TAFA4: variants seen among roughly 807,000 people sequenced by gnomAD.
TAFA4 encodes chemokine-like protein TAFA-4.
TAFA4 carries 20 observed loss-of-function variants against 21.1 expected under a neutral mutation model. The observed-to-expected ratio is 0.95, with a 90% CI of 0.67 to 1.38. The LOEUF (loss-of-function observed/expected upper bound fraction) is 1.38, where lower values mean the gene tolerates loss of function less well. Ranked by LOEUF, TAFA4 falls within the 40% of genes most tolerant of loss-of-function variation. The pLI, the probability that TAFA4 is intolerant of heterozygous loss-of-function variation, is 0.00. For synonymous variants in TAFA4, 71 were observed against 67.4 expected, an observed-to-expected ratio of 1.05 and a Z score of -0.26; for missense variants, 211 against 180.9, an observed-to-expected ratio of 1.17 and a Z score of -0.95.
chr3:68,735,671 A>C (rs1575588586), intron 5 of TAFA4, among the ~76,000 whole-genome samples: 1 of 152,140 alleles, frequency 6.6e-6, no homozygotes, highest in African/African-American at 2.4e-5. Flanking sequence ...TACTGAAGAC[A>C]AAACTGTTGC....
chr3:68,807,744 G>C (rs761422177), intron 3 of TAFA4, among the ~76,000 whole-genome samples: 3 of 152,148 alleles, frequency 2.0e-5, no homozygotes, highest in Non-Finnish European at 4.4e-5. Context: ...GCTTTATCAA[G>C]AGACACTCAC....
At chr3:68,859,747 C>G (rs1217054694) in intron 3 of TAFA4, among the ~76,000 whole-genome samples, 1 of 152,102 alleles carries the variant, frequency 6.6e-6, no homozygotes, top group Non-Finnish European at 1.5e-5. Flanking sequence ...CAGAGCTCAC[C>G]AACCAGTATG....
chr3:68,871,696 T>G (rs1182712756), intron 3 of TAFA4, among the ~76,000 whole-genome samples: 2 of 151,838 alleles, frequency 1.3e-5, no homozygotes, highest in Admixed American at 6.6e-5. Flanking sequence ...CTCAAACAAC[T>G]TAACAGCAAA....
At chr3:68,867,143 C>T (rs62256106) in intron 3 of TAFA4, among the ~76,000 whole-genome samples, 1,675 of 151,888 alleles carry the variant, frequency 0.011, 11 homozygotes, top group Non-Finnish European at 0.017. Context: ...TAATCAAACT[C>T]TCAAAGGTCA....
At chr3:68,926,872 T>C (rs765528254) in intron 1 of TAFA4, among the ~76,000 whole-genome samples, 19 of 151,856 alleles carry the variant, frequency 1.3e-4, no homozygotes, top group Non-Finnish European at 2.2e-4. Context: ...GATTCCGCCA[T>C]TGCACTCCAG....
intron 4 of TAFA4, among the ~76,000 whole-genome samples, chr3:68,750,741 T>C (rs1702543966): frequency 6.6e-6 from 1 of 152,230 alleles, no homozygotes; most frequent in Non-Finnish European, 1.5e-5. Context: ...GCTTTGAATA[T>C]TGTACAACAT....
intron 3 of TAFA4, among the ~76,000 whole-genome samples, chr3:68,825,918 C>T (rs1036828234): frequency 7.2e-5 from 11 of 152,078 alleles, no homozygotes; most frequent in Non-Finnish European, 1.3e-4. Context: ...AGGCAGAGAG[C>T]AACACTGTCA....
At chr3:68,775,570 G>A (rs572541308) in intron 3 of TAFA4, among the ~76,000 whole-genome samples, 6 of 152,136 alleles carry the variant, frequency 3.9e-5, no homozygotes, top group Admixed American at 6.6e-5. Context: ...GAGGGGACAA[G>A]AGCAAAGAGA....
intron 1 of TAFA4, among the ~76,000 whole-genome samples, chr3:68,905,216 T>C (rs2089887709): frequency 7.1e-6 from 1 of 140,304 alleles, no homozygotes; most frequent in South Asian, 2.3e-4. Flanking sequence ...GTGCAAGTGG[T>C]GCGATCTCGG....
chr3:68,875,365 G>A (rs530913634), intron 3 of TAFA4, among the ~76,000 whole-genome samples: 1 of 152,006 alleles, frequency 6.6e-6, no homozygotes, highest in Non-Finnish European at 1.5e-5. Context: ...TCGCTGCAGT[G>A]GGCCCTCTGT....
chr3:68,754,019 C>G (rs1231410167), intron 3 of TAFA4, among the ~76,000 whole-genome samples: 6 of 152,234 alleles, frequency 3.9e-5, no homozygotes, highest in South Asian at 4.1e-4. Context: ...TTGTAACAGA[C>G]TTCACCCAGG....
intron 4 of TAFA4, among the ~76,000 whole-genome samples, chr3:68,751,030 C>A (rs1278293629): frequency 1.3e-5 from 2 of 152,100 alleles, no homozygotes; most frequent in Admixed American, 1.3e-4. Context: ...CAAGAACTTA[C>A]AAGAGATTTG....
intron 3 of TAFA4, among the ~76,000 whole-genome samples, chr3:68,866,447 C>T (rs973864250): frequency 6.6e-6 from 1 of 151,768 alleles, no homozygotes; most frequent in African/African-American, 2.4e-5. Flanking sequence ...AAACATACCC[C>T]AGAAAGACCA....
At chr3:68,780,008 C>A (rs1703125232) in intron 3 of TAFA4, among the ~76,000 whole-genome samples, 1 of 152,198 alleles carries the variant, frequency 6.6e-6, no homozygotes, top group Non-Finnish European at 1.5e-5. Context: ...GAGCCCACCT[C>A]TTGCATCAGC....
At chr3:68,850,280 A>G (rs1704912711) in intron 3 of TAFA4, among the ~76,000 whole-genome samples, 1 of 152,196 alleles carries the variant, frequency 6.6e-6, no homozygotes, top group Non-Finnish European at 1.5e-5. Flanking sequence ...ATTCAACAAT[A>G]ACTACCAAGC....
rs149097302 is a variant in TAFA4 at position 68,784,600 on chromosome 3, C to G, written c.131-31582G>C. Among the ~76,000 whole-genome samples, 281 of 152,260 alleles carry G rather than the reference C, an allele frequency of 1.8e-3. 1 individual carries two copies. The highest frequency in any genetic ancestry group is 6.5e-3 in the African/African-American group (272 of 41,556). On this transcript the variant is annotated intron_variant, in intron 3 of 5. Coordinates refer to ENST00000295569, the MANE Select transcript of TAFA4 (RefSeq NM_182522.5). ...CTGCAGACCTTTGCGGTGAGTGTTACAGCTCATAAAGGCAGTGTGGACCCA... is the reference window on the plus strand; with the variant it reads ...CTGCAGACCTTTGCGGTGAGTGTTAGAGCTCATAAAGGCAGTGTGGACCCA...
At chr3:68,821,234 A>G (rs1176382074) in intron 3 of TAFA4, among the ~76,000 whole-genome samples, 2 of 152,002 alleles carry the variant, frequency 1.3e-5, no homozygotes, top group Non-Finnish European at 2.9e-5. Flanking sequence ...ACTCACAGCT[A>G]TTAGAGATAA....
Position 68,801,106 on chromosome 3 carries a change from G to T in TAFA4, c.131-48088C>A, listed in dbSNP as rs566679954. On this transcript the variant is annotated intron_variant, in intron 3 of 5. Coordinates refer to ENST00000295569, the MANE Select transcript of TAFA4 (RefSeq NM_182522.5). ...AGAATTTCACAGCCAGACTTCTTCT[G>T]GATTTAAATCCCAAGAAAGTGTACC... is the stretch of plus-strand genomic sequence containing the variant. Among the ~76,000 whole-genome samples, 3 of 152,212 alleles carry T rather than the reference G, an allele frequency of 2.0e-5. No individual in the cohort carries two copies. The East Asian group carries it at 5.8e-4, about 29-fold the overall frequency.
At chr3:68,836,334 A>G (rs1055014653) in intron 3 of TAFA4, among the ~76,000 whole-genome samples, 29 of 152,214 alleles carry the variant, frequency 1.9e-4, no homozygotes, top group Admixed American at 5.9e-4. Context: ...TGGTGGCTCA[A>G]AATTAACAGG....
Sources: allele counts gnomAD v4.1 joint callset (sites outside exome capture counted in the v4.1 genomes callset), GRCh38; gene constraint gnomAD v4.1.1; transcripts MANE v1.5; gene names NCBI Gene and HGNC (gene_info 2026-07-23, HGNC 2026-07-21).